Variants in CDH12 observed in about 807,000 individuals in gnomAD.
CDH12 encodes the protein cadherin-12.
Under a neutral mutation model 74.1 loss-of-function variants are expected in CDH12, and 41 were observed. The observed-to-expected ratio is 0.55, with a 90% CI of 0.43 to 0.72. CDH12 has a LOEUF of 0.72. CDH12 is among the 30% of genes least tolerant of loss of function. The probability of loss-of-function intolerance (pLI) is 0.00; values close to 1 mark genes in which losing one functional copy is unlikely to be tolerated. For synonymous variants in CDH12, 399 were observed against 355.0 expected (o/e 1.12, Z -1.39); for missense variants, 945 against 977.2 (o/e 0.97, Z 0.44).
At chr5:22,354,692 C>G (rs150208889) in intron 3 of CDH12, among the ~76,000 whole-genome samples, 1,785 of 152,202 alleles carry the variant, frequency 0.012, 35 homozygotes, top group African/African-American at 0.04. Context: ...AAAGGCAGTG[C>G]TCTCAAATGA....
At chr5:22,335,502 G>A (rs1044733744) in intron 3 of CDH12, among the ~76,000 whole-genome samples, 17 of 151,950 alleles carry the variant, frequency 1.1e-4, no homozygotes, top group South Asian at 2.1e-4. Flanking sequence ...GGAGAATGGC[G>A]TGAACCTGGG....
intron 1 of CDH12, among the ~76,000 whole-genome samples, chr5:22,573,946 G>T (rs1001780155): frequency 3.9e-5 from 6 of 151,960 alleles, no homozygotes; most frequent in Non-Finnish European, 8.8e-5. Context: ...GCTAAATGGT[G>T]TTGAACACTG....
At chr5:22,767,329 A>G (rs2127064998) in intron 1 of CDH12, among the ~76,000 whole-genome samples, 1 of 152,156 alleles carries the variant, frequency 6.6e-6, no homozygotes, top group Middle Eastern at 3.4e-3. Context: ...ACATTATATT[A>G]TTAATCAATA....
At chr5:22,720,177 G>A (rs1743803649) in intron 1 of CDH12, among the ~76,000 whole-genome samples, 1 of 152,134 alleles carries the variant, frequency 6.6e-6, no homozygotes, top group Admixed American at 6.6e-5. Flanking sequence ...CCCGGTGGGA[G>A]GTGATTGAAT....
chr5:22,450,423 TC>T (rs1293795071), intron 2 of CDH12, among the ~76,000 whole-genome samples: 1 of 151,868 alleles, frequency 6.6e-6, no homozygotes, highest in Admixed American at 6.6e-5. Flanking sequence ...AAAAAGGACC[TC>T]CCCCTTTATC....
Position 21,783,399 on chromosome 5 carries a change from C to A in CDH12, c.1352G>T (p.Ser451Ile). ...TATGGAGAAATTATACTGCGCAGTGCTTTCTCTGTCTAGTAATTCATTAGT... is the reference window on the plus strand; with the variant it reads ...TATGGAGAAATTATACTGCGCAGTGATTTCTCTGTCTAGTAATTCATTAGT... The part of the protein sequence containing the change: ...IATNELLDRE[S>I]TAQYNFSIIA... Residue 451 changes from serine to isoleucine, a missense_variant, in exon 11 of 15, where the codon AGC becomes ATC. Physicochemically the swap from Ser to Ile is moderately radical, Grantham distance 142. Transcript: ENST00000382254. 6.2e-7 allele frequency: 1 copy of A among 1,612,804 alleles called. No homozygotes were observed. Among genetic ancestry groups the A allele is most frequent in the Non-Finnish European group, 8.5e-7 (1 of 1,178,904 alleles).
chr5:21,908,117 G>T (rs111931244), intron 6 of CDH12, among the ~76,000 whole-genome samples: 1 of 152,282 alleles, frequency 6.6e-6, no homozygotes, highest in African/African-American at 2.4e-5. Flanking sequence ...AAGCTAAGAG[G>T]CTTCTCAGTT....
At chr5:21,928,034 T>C (rs1754668155) in intron 6 of CDH12, among the ~76,000 whole-genome samples, 1 of 151,926 alleles carries the variant, frequency 6.6e-6, no homozygotes, top group Non-Finnish European at 1.5e-5. Flanking sequence ...ATCTCGCCAC[T>C]GTGCTCCAGC....
chr5:22,692,550 C>T (rs1742139207), intron 1 of CDH12, among the ~76,000 whole-genome samples: 1 of 152,082 alleles, frequency 6.6e-6, no homozygotes, highest in South Asian at 2.1e-4. Context: ...ACATATGCTC[C>T]TGTAGAAGGA....
chr5:22,430,016 T>A (rs574801698), intron 2 of CDH12, among the ~76,000 whole-genome samples: 1 of 152,306 alleles, frequency 6.6e-6, no homozygotes, highest in Admixed American at 6.5e-5. Flanking sequence ...ATCTATTGGT[T>A]ACAGATGGTA....
At chr5:22,161,578 T>G (rs1027075676) in intron 4 of CDH12, among the ~76,000 whole-genome samples, 8 of 151,970 alleles carry the variant, frequency 5.3e-5, no homozygotes, top group Non-Finnish European at 7.4e-5. Context: ...TGGTTGCACG[T>G]GCATGTAAGA....
intron 5 of CDH12, among the ~76,000 whole-genome samples, chr5:22,051,810 AAAG>A (rs1740389891): frequency 6.6e-6 from 1 of 152,168 alleles, no homozygotes; most frequent in African/African-American, 2.4e-5. Flanking sequence ...ATTGAGAAAA[AAAG>A]AAAAAGAGCT....
At chr5:22,614,264 A>G (rs1398683434) in intron 1 of CDH12, among the ~76,000 whole-genome samples, 2 of 152,114 alleles carry the variant, frequency 1.3e-5, no homozygotes, top group African/African-American at 4.8e-5. Context: ...GCCTTCTGAG[A>G]AGTGATGGCT....
intron 5 of CDH12, among the ~76,000 whole-genome samples, chr5:22,061,929 C>A (rs1307948755): frequency 6.6e-6 from 1 of 151,990 alleles, no homozygotes; most frequent in East Asian, 1.9e-4. Flanking sequence ...CAAAGCTTAT[C>A]CTCACTTTAA....
rs751770170 is a variant in CDH12 at position 21,802,341 on chromosome 5, G to A, written c.1082C>T (p.Ser361Leu). The A allele has an allele frequency of 2.5e-6, 4 of 1,613,804 alleles. No individual in the cohort carries two copies. Among genetic ancestry groups the A allele is most frequent in the South Asian group, 2.2e-5 (2 of 91,074 alleles). ...AGCTGTGTCTTTGAAAGGGCCCGCC[G>A]AGTGAAACCGGTGGTCAAGGTGAAG... The part of the protein sequence containing the change: ...SNLHLDHRFH[S>L]AGPFKDTATV... Residue 361 changes from serine (S) to leucine (L), a missense_variant, in exon 10 of 15, where the codon TCG becomes TTG. Physicochemically the swap from Ser to Leu is moderately radical, Grantham distance 145. Transcript: ENST00000382254.
At chr5:22,103,792 C>A (rs1744278864) in intron 4 of CDH12, among the ~76,000 whole-genome samples, 1 of 152,144 alleles carries the variant, frequency 6.6e-6, no homozygotes, top group Non-Finnish European at 1.5e-5. Flanking sequence ...CCATTTATTT[C>A]ATTTAACATG....
intron 5 of CDH12, among the ~76,000 whole-genome samples, chr5:21,994,655 G>A (rs1393900563): frequency 6.6e-6 from 1 of 152,140 alleles, no homozygotes; most frequent in East Asian, 1.9e-4. Context: ...CATTTATACA[G>A]TTGGAAACAA....
At position 21,751,897 on chromosome 5, in the gene CDH12, T is replaced by A. The variant is rs1744096863; in HGVS notation, c.2225A>T (p.Glu742Val). The A allele has an allele frequency of 6.2e-7, 1 of 1,613,984 alleles. No individual in the cohort carries two copies. The highest frequency in any genetic ancestry group is 8.5e-7 in the Non-Finnish European group (1 of 1,180,032). ...GGACTCTGCCACGGACCCACTCCCT[T>A]CGTAGGCATATGTGGCCAGTGAATC... Reference protein sequence around the residue: ...PYDSLATYAYEGSGSVAESLS... With the variant: ...PYDSLATYAYVGSGSVAESLS... The change falls in exon 15 of 15, where the codon GAA (glutamate) becomes GTA (valine). Residue 742 changes from glutamate (E) to valine (V), a missense_variant. By Grantham distance (121) the Glu-to-Val change is moderately radical (BLOSUM62 -2). Around this residue, in one of 3 missense-constraint regions of CDH12, gnomAD observed 791 missense variants for 792.8 expected, o/e 1.00. Coordinates refer to ENST00000382254, the MANE Select transcript of CDH12 (RefSeq NM_004061.5).
intron 6 of CDH12, among the ~76,000 whole-genome samples, 176 bp from the exon 7 acceptor site, chr5:21,854,966 T>C (rs912542776): frequency 1.3e-5 from 2 of 151,764 alleles, no homozygotes; most frequent in African/African-American, 2.4e-5. Context: ...AGCAATGATA[T>C]AGTTAGTGCA....
Sources: gnomAD v4.1 joint callset for allele counts (sites outside exome capture counted in the v4.1 genomes callset) on GRCh38, gnomAD v4.1.1 for gene constraint, gnomAD v4.1.1 regional missense constraint, MANE v1.5 for transcripts, NCBI Gene and HGNC (gene_info 2026-07-23, HGNC 2026-07-21) for gene names.